Variants in COL20A1 observed in about 807,000 individuals in gnomAD.
COL20A1 encodes the protein collagen alpha-1(XX) chain.
A neutral mutation model predicts 152.9 loss-of-function variants in COL20A1; 164 were observed. That is an observed-to-expected ratio of 1.07 (90% CI 0.94 to 1.22). The LOEUF is 1.22. Ranked by LOEUF, COL20A1 falls within the 50% of genes most tolerant of loss-of-function variation. The probability of loss-of-function intolerance (pLI) is 0.00; values close to 1 mark genes in which losing one functional copy is unlikely to be tolerated. For missense variants in COL20A1, 1,873 were observed against 1,744.8 expected (o/e 1.07, Z -1.31); for synonymous variants, 864 against 756.0 (o/e 1.14, Z -2.34).
rs930287654 is a variant in COL20A1, at chr20:63,319,879, G to T, written c.2917-160G>T. On this transcript the variant is annotated intron_variant, in intron 23 of 35. Transcript: ENST00000358894. The surrounding 1 kb of genome is among the most constrained non-coding windows in gnomAD (Gnocchi z 4.4). The stretch of plus-strand genomic sequence containing the variant: ...GAGGGGAAGCCGAGGCCCAGCAAGG[G>T]GGGGTTCTCCCAGGGTCCCCCGAAA... 1.3e-5 allele frequency among the ~76,000 whole-genome samples: 2 copies of T among 152,156 alleles called. No homozygotes were observed. Among genetic ancestry groups the T allele is most frequent in the Non-Finnish European group, 2.9e-5 (2 of 67,996 alleles).
Position 63,325,487 on chromosome 20 carries a change from G to A in COL20A1, c.3341G>A (p.Gly1114Asp), listed in dbSNP as rs2068231426. The A allele has an allele frequency of 6.2e-7, 1 of 1,612,722 alleles. No homozygotes were observed. The highest frequency in any genetic ancestry group is 8.5e-7 in the Non-Finnish European group (1 of 1,179,544). The part of the protein sequence containing the change: ...KGEKGDHGLP[G>D]LQGHPGHQGI... ...GAGAAGGGAGACCATGGGCTTCCAG[G>A]CTTGCAGGTAGTGTGGCTGGGGCCA... The change falls in exon 28 of 36, where the codon GGC (glycine) becomes GAC (aspartate). Residue 1114 changes from glycine to aspartate, a missense_variant. Transcript: ENST00000358894.
chr20:63,295,410 C>G (rs1323902478), intron 2 of COL20A1, among the ~76,000 whole-genome samples: 1 of 152,252 alleles, frequency 6.6e-6, no homozygotes, highest in Non-Finnish European at 1.5e-5. Flanking sequence ...TGGTTTAGTT[C>G]TCTGTTATAT....
At position 63,328,382 on chromosome 20, in the gene COL20A1, C is replaced by T. The variant is rs143699396; in HGVS notation, c.3665C>T (p.Pro1222Leu). 1 of 1,612,728 alleles carries T rather than the reference C, an allele frequency of 6.2e-7. No individual in the cohort carries two copies. The highest frequency in any genetic ancestry group is 8.5e-7 in the Non-Finnish European group (1 of 1,179,632). Residue 1222 changes from proline to leucine, a missense_variant, in exon 34 of 36, where the codon CCC becomes CTC. Coordinates refer to ENST00000358894, the MANE Select transcript of COL20A1 (RefSeq NM_020882.4). ...SFHENTRPPM[P>L]ILEQKLEPGT... The stretch of plus-strand genomic sequence containing the variant: ...CACGAGAACACCAGGCCCCCCATGC[C>T]CATCTTGGAGCAGAAGCTGGAGCCG...
chr20:63,311,725 C>A lies in COL20A1; in HGVS notation c.1640C>A (p.Ala547Asp). 6.3e-7 allele frequency: 1 copy of A among 1,596,856 alleles called. No homozygotes were observed. The highest frequency in any genetic ancestry group is 1.7e-5 in the Admixed American group (1 of 58,732). Residue 547 changes from alanine (A) to aspartate (D), a missense_variant, in exon 13 of 36, where the codon GCC becomes GAC. Physicochemically the swap from Ala to Asp is moderately radical, Grantham distance 126 (BLOSUM62 -2). Coordinates refer to ENST00000358894, the MANE Select transcript of COL20A1 (RefSeq NM_020882.4). The surrounding 1 kb of genome is among the most constrained non-coding windows in gnomAD (Gnocchi z 4.4). ...QSLRGPEGSE[A>D]RGIRARTPTL... ...CTGCGAGGCCCTGAGGGCAGCGAGG[C>A]CCGGGGCATCCGTGCCAGGACCCGT... is the stretch of plus-strand genomic sequence containing the variant.
chr20:63,315,536 G>A, intron 20 of COL20A1, 97 bp downstream of exon 20: 4 of 1,133,258 alleles, frequency 3.5e-6, no homozygotes, highest in East Asian at 2.7e-5. Context: ...GGACCCAGTG[G>A]TGGTGCAGTT....
At position 63,313,787 on chromosome 20, in the gene COL20A1, G is replaced by A. The variant is rs747122621; in HGVS notation, c.2254G>A (p.Glu752Lys). 9 of 1,609,890 alleles carry A rather than the reference G, an allele frequency of 5.6e-6. No homozygotes were observed. The highest frequency in any genetic ancestry group is 2.2e-5 in the East Asian group (1 of 44,834). Residue 752 changes from glutamate (E) to lysine (K), a missense_variant, in exon 18 of 36, where the codon GAG becomes AAG. Transcript: ENST00000358894. This position sits in a 1 kb window ranked among gnomAD's most constrained non-coding sequence, Gnocchi z 5.9. The part of the protein sequence containing the change: ...SPPSNLALAS[E>K]TPDSLQVSWT... ...ACCCTCCAACCTGGCCCTGGCCTCGGAGACCCCCGACAGCCTGCAGGTCAG... is the reference window on the plus strand; with the variant it reads ...ACCCTCCAACCTGGCCCTGGCCTCGAAGACCCCCGACAGCCTGCAGGTCAG...
rs746068082 is a variant in COL20A1, at chr20:63,308,553, A to C, written c.787A>C (p.Thr263Pro). Residue 263 changes from threonine (T) to proline (P), a missense_variant, in exon 8 of 36, where the codon ACC becomes CCC. Thr to Pro is a conservative substitution (Grantham distance 38, BLOSUM62 -1). Transcript: ENST00000358894. ...GGNTFTGLAL[T>P]HVLGQNLQPA... ...CTGCTGCTCCCAAGGCCTTGCCCTGACCCACGTGCTGGGGCAGAACCTGCA... is the reference window on the plus strand; with the variant it reads ...CTGCTGCTCCCAAGGCCTTGCCCTGCCCCACGTGCTGGGGCAGAACCTGCA... 6.2e-7 allele frequency: 1 copy of C among 1,600,646 alleles called. No homozygotes were observed. Among genetic ancestry groups the C allele is most frequent in the Non-Finnish European group, 8.5e-7 (1 of 1,174,202 alleles).
In COL20A1 at chr20:63,311,473, C is replaced by G; in HGVS notation, c.1473C>G (p.Ala491=). 6.3e-7 allele frequency: 1 copy of G among 1,575,742 alleles called. No individual in the cohort carries two copies. Among genetic ancestry groups the G allele is most frequent in the Middle Eastern group, 1.7e-4 (1 of 5,810 alleles). ...TCCACCTCACCTGGCAGCCCTCGGC[C>G]GGGGCCACCCACTACCTGGTGCGAT... ...RTVHLTWQPS[A]GATHYLVRCS... Residue 491 remains alanine (A), a synonymous_variant, in exon 12 of 36, where the codon GCC becomes GCG. Coordinates refer to ENST00000358894, the MANE Select transcript of COL20A1 (RefSeq NM_020882.4). This position sits in a 1 kb window ranked among gnomAD's most constrained non-coding sequence, Gnocchi z 4.4.
At chr20:63,297,085 A>G (rs970275145) in intron 2 of COL20A1, among the ~76,000 whole-genome samples, 4 of 151,458 alleles carry the variant, frequency 2.6e-5, no homozygotes, top group African/African-American at 4.9e-5. Flanking sequence ...GGACGCACAC[A>G]TGTACCAACG....
At chr20:63,300,113 C>A (rs748169417) in intron 3 of COL20A1, among the ~76,000 whole-genome samples, 1 of 152,048 alleles carries the variant, frequency 6.6e-6, no homozygotes, top group African/African-American at 2.4e-5. Context: ...AATCAATTTG[C>A]AAATATTTCA....
Position 63,319,265 on chromosome 20 carries a change from C to T in COL20A1, c.2806+65C>T. On this transcript the variant is annotated intron_variant, in intron 22 of 35. Transcript: ENST00000358894. This position sits in a 1 kb window ranked among gnomAD's most constrained non-coding sequence, Gnocchi z 4.4. ...GTAGGGGCAGGGAGGCCCCAGAGCC[C>T]TGGGAGGCCTTCAGAGGAAGTCCAG... 1.3e-6 allele frequency: 2 copies of T among 1,525,156 alleles called. No individual in the cohort carries two copies. The highest frequency in any genetic ancestry group is 2.4e-5 in the South Asian group (2 of 82,328). 94.5% of individuals were successfully genotyped at this position (1,525,156 alleles called of 1,614,324 possible).
At position 63,313,441 on chromosome 20, in the gene COL20A1, G is replaced by T. The variant is rs1601422679; in HGVS notation, c.2209+192G>T. On this transcript the variant is annotated intron_variant, in intron 17 of 35. Coordinates refer to ENST00000358894, the MANE Select transcript of COL20A1 (RefSeq NM_020882.4). The surrounding 1 kb of genome is among the most constrained non-coding windows in gnomAD (Gnocchi z 5.9). ...TCACACGGGTATAGGTGTTCCCCCA[G>T]TGGCCGAGTGCACAAACCACCTAGT... 6.6e-6 allele frequency among the ~76,000 whole-genome samples: 1 copy of T among 152,326 alleles called. No homozygotes were observed. Among genetic ancestry groups the T allele is most frequent in the East Asian group, 1.9e-4 (1 of 5,186 alleles).
intron 7 of COL20A1, 101 bp from the exon 8 acceptor site, chr20:63,308,441 A>G: frequency 8.4e-7 from 1 of 1,195,122 alleles, no homozygotes; most frequent in Non-Finnish European, 1.1e-6. Flanking sequence ...GATACCCCAC[A>G]AGGGAAGGAG....
Position 63,305,414 on chromosome 20 carries a change from C to A in COL20A1, c.194-3C>A. The A allele has an allele frequency of 6.6e-7, 1 of 1,526,446 alleles. No homozygotes were observed. Among genetic ancestry groups the A allele is most frequent in the East Asian group, 2.4e-5 (1 of 41,458 alleles). The allele number at this position is 1,526,446 out of a possible 1,614,324, so 94.6% of individuals were successfully genotyped here. On this transcript the variant is annotated splice_region_variant and splice_polypyrimidine_tract_variant and intron_variant, in intron 3 of 35. Coordinates refer to ENST00000358894, the MANE Select transcript of COL20A1 (RefSeq NM_020882.4). The surrounding 1 kb of genome is among the most constrained non-coding windows in gnomAD (Gnocchi z 4.9). ...CTCTAAAGCTCTCCCCACCCCTACC[C>A]AGGGGACTCGGAACAGGAGGTGATA...
intron 2 of COL20A1, among the ~76,000 whole-genome samples, chr20:63,297,178 C>T (rs1320628734): frequency 2.6e-5 from 4 of 152,244 alleles, no homozygotes; most frequent in Non-Finnish European, 4.4e-5. Context: ...GTGCACCTGG[C>T]AGTGACCTTG....
chr20:63,317,348 C>T (rs1380584439), intron 21 of COL20A1, among the ~76,000 whole-genome samples: 1 of 151,770 alleles, frequency 6.6e-6, no homozygotes, highest in East Asian at 1.9e-4. Context: ...CACCTGTATT[C>T]CCAGCTACTC....
At chr20:63,316,214 A>G (rs2068082352) in intron 20 of COL20A1, among the ~76,000 whole-genome samples, 1 of 151,848 alleles carries the variant, frequency 6.6e-6, no homozygotes, top group Non-Finnish European at 1.5e-5. Context: ...GTTGGGGCTC[A>G]TGATCGGGGG....
chr20:63,294,623 C>G (rs2067763076), intron 1 of COL20A1, among the ~76,000 whole-genome samples: 1 of 152,170 alleles, frequency 6.6e-6, no homozygotes, highest in Admixed American at 6.5e-5. Flanking sequence ...CCACAGGTCT[C>G]TGATGACCCT....
In COL20A1 at chr20:63,331,191, TCACGCAGGCAACAGATGGTTC is replaced by T. The variant is rs2068330177; in HGVS notation, c.*479_*499del. ...CTGTGGGCCCGCCTCTCTCTGCGCC[TCACGCAGGCAACAGATGGTTC>T]CACTGCTGGCCCACCAGTCACCTGC... On this transcript the variant is annotated 3_prime_UTR_variant, in exon 36 of 36. Transcript: ENST00000358894. 1 of 152,306 alleles carries T rather than the reference TCACGCAGGCAACAGATGGTTC, an allele frequency of 6.6e-6. No individual in the cohort carries two copies. Among genetic ancestry groups the T allele is most frequent in the Admixed American group, 6.5e-5 (1 of 15,284 alleles). The allele number at this position is 152,306 out of a possible 1,614,324, so 9.4% of individuals were successfully genotyped here.
Sources: gnomAD v4.1 joint callset for allele counts (sites outside exome capture counted in the v4.1 genomes callset) on GRCh38, gnomAD v4.1.1 for gene constraint, Gnocchi (gnomAD v3.1) non-coding constraint, MANE v1.5 for transcripts, NCBI Gene and HGNC (gene_info 2026-07-23, HGNC 2026-07-21) for gene names.